Variants in UNC13B observed in about 807,000 individuals in gnomAD.
UNC13B encodes the protein protein unc-13 homolog B.
In UNC13B, 144 loss-of-function variants were observed where a neutral mutation model predicts 211.0. That is an observed-to-expected ratio of 0.68 (90% CI 0.60 to 0.78). UNC13B has a LOEUF of 0.78. UNC13B is among the 30% of genes least tolerant of loss of function. The pLI is 0.00. For missense variants in UNC13B, 1,777 were observed against 2,002.0 expected, an observed-to-expected ratio of 0.89 and a Z score of 2.14; for synonymous variants, 709 against 725.8, an observed-to-expected ratio of 0.98 and a Z score of 0.37.
intron 16 of UNC13B, among the ~76,000 whole-genome samples, chr9:35,377,899 G>A (rs1372259141): frequency 6.6e-6 from 1 of 150,942 alleles, no homozygotes; most frequent in Non-Finnish European, 1.5e-5. Context: ...CAAACAACAT[G>A]AACCATAATA....
In UNC13B at chr9:35,375,065, C is replaced by G. The variant is rs377493915; in HGVS notation, c.9541-62C>G. 121 of 1,581,976 alleles carry G rather than the reference C, an allele frequency of 7.6e-5. 1 individual carries two copies. The African/African-American group carries it at 1.5e-3, about 20-fold the overall frequency. On this transcript the variant is annotated intron_variant, in intron 13 of 39. Coordinates refer to ENST00000635942, the MANE Select transcript of UNC13B (RefSeq NM_001371189.2). ...AAGTGGCTTTGGTCACTGAAGCTCC[C>G]TCCCCCAGACTTTGCCAGCCCTTGG...
At chr9:35,239,318 C>T (rs568258460) in intron 5 of UNC13B, among the ~76,000 whole-genome samples, 79 of 152,036 alleles carry the variant, frequency 5.2e-4, no homozygotes, top group South Asian at 4.2e-4. Flanking sequence ...CCAGGGGAGA[C>T]GTCACATGTC....
intron 26 of UNC13B, 28 bp from the exon 27 acceptor site, chr9:35,396,448 C>G (rs201191916): frequency 3.6e-5 from 58 of 1,613,566 alleles, no homozygotes; most frequent in Non-Finnish European, 4.7e-5. Context: ...CTGCTGGGAC[C>G]TGACCCAACC....
At chr9:35,297,523 G>C (rs1341490168) in intron 8 of UNC13B, among the ~76,000 whole-genome samples, 5 of 145,276 alleles carry the variant, frequency 3.4e-5, no homozygotes, top group African/African-American at 1.3e-4. Flanking sequence ...TCCTTCACAT[G>C]CATTCAGGAA....
chr9:35,367,512 C>T (rs1199603606), intron 12 of UNC13B, among the ~76,000 whole-genome samples: 1 of 152,142 alleles, frequency 6.6e-6, no homozygotes, highest in Non-Finnish European at 1.5e-5. Flanking sequence ...TTACAATCCA[C>T]TTACACTCTT....
At chr9:35,206,592 CGGG>C (rs1823659984) in intron 1 of UNC13B, among the ~76,000 whole-genome samples, 1 of 151,838 alleles carries the variant, frequency 6.6e-6, no homozygotes, top group Non-Finnish European at 1.5e-5. Context: ...TAGTGTAGGC[CGGG>C]TGTGGCACAG....
Position 35,302,941 on chromosome 9 carries a change from C to T in UNC13B, c.3537C>T (p.Thr1179=). ...ATGACTCCCATCACAAGAATAATAC[C>T]CCAGGTTTAATCTCTGGAATATTTA... ...KNDDSHHKNN[T]PGLISGIFNL... Residue 1179 remains threonine (T), a synonymous_variant, in exon 9 of 40, where the codon ACC becomes ACT. Transcript: ENST00000635942. 2.5e-6 allele frequency: 1 copy of T among 398,506 alleles called. No homozygotes were observed. Among genetic ancestry groups the T allele is most frequent in the South Asian group, 1.3e-4 (1 of 7,828 alleles). The allele number at this position is 398,506 out of a possible 1,614,324, so 24.7% of individuals were successfully genotyped here.
chr9:35,390,305 A>G (rs955273462), intron 25 of UNC13B, among the ~76,000 whole-genome samples: 5 of 152,026 alleles, frequency 3.3e-5, no homozygotes. Context: ...GCCCACCCCC[A>G]CTTGCCCTTT....
chr9:35,162,215 C>T lies in UNC13B; in HGVS notation c.-69C>T, dbSNP rs1235311939. The T allele has an allele frequency of 3.2e-6, 5 of 1,541,096 alleles. No homozygotes were observed. The highest frequency in any genetic ancestry group is 1.2e-5 in the South Asian group (1 of 84,014). On this transcript the variant is annotated 5_prime_UTR_variant, in exon 1 of 40. Coordinates refer to ENST00000635942, the MANE Select transcript of UNC13B (RefSeq NM_001371189.2). ...CCGGTAACGAGAGCAGTCGCGGCACCTGCTGAGAGGAAAGAGGGAGCGGTC... is the reference window on the plus strand; with the variant it reads ...CCGGTAACGAGAGCAGTCGCGGCACTTGCTGAGAGGAAAGAGGGAGCGGTC...
At chr9:35,324,961 A>G (rs558201536) in intron 11 of UNC13B, among the ~76,000 whole-genome samples, 24 of 152,324 alleles carry the variant, frequency 1.6e-4, no homozygotes, top group Middle Eastern at 3.4e-3. Flanking sequence ...ATCAAAAGAC[A>G]TCACCTCTCT....
chr9:35,293,543 A>G (rs1829197393), intron 7 of UNC13B, among the ~76,000 whole-genome samples: 1 of 152,090 alleles, frequency 6.6e-6, no homozygotes. Flanking sequence ...CTTCATCTGT[A>G]TGCATGAATA....
chr9:35,196,555 C>T (rs1403371449), intron 1 of UNC13B, among the ~76,000 whole-genome samples: 1 of 152,190 alleles, frequency 6.6e-6, no homozygotes, highest in Non-Finnish European at 1.5e-5. Flanking sequence ...GGAGGATGCT[C>T]TGCCCAGGCA....
chr9:35,172,922 AGT>A (rs1164447643), intron 1 of UNC13B, among the ~76,000 whole-genome samples: 1 of 152,146 alleles, frequency 6.6e-6, no homozygotes, highest in African/African-American at 2.4e-5. Context: ...CAAAAAGAAG[AGT>A]GTTGTTTTCC....
chr9:35,330,609 G>A (rs1056083160), intron 11 of UNC13B, among the ~76,000 whole-genome samples: 3 of 152,240 alleles, frequency 2.0e-5, no homozygotes, highest in Admixed American at 1.3e-4. Flanking sequence ...CCTGTGCAAT[G>A]TGGGAACATT....
At chr9:35,248,074 C>T (rs1230825521) in intron 6 of UNC13B, among the ~76,000 whole-genome samples, 1 of 152,112 alleles carries the variant, frequency 6.6e-6, no homozygotes, top group Non-Finnish European at 1.5e-5. Context: ...CTTCCTGGTT[C>T]ATTCTTGGAA....
intron 11 of UNC13B, among the ~76,000 whole-genome samples, chr9:35,347,524 T>A (rs1407174275): frequency 2.0e-5 from 3 of 152,180 alleles, no homozygotes; most frequent in African/African-American, 7.2e-5. Flanking sequence ...AGTGACTGGT[T>A]GGTCCTCTGA....
intron 11 of UNC13B, 81 bp from the exon 12 acceptor site, chr9:35,366,866 T>G (rs1564170287): frequency 8.2e-7 from 1 of 1,218,434 alleles, no homozygotes; most frequent in Non-Finnish European, 1.2e-6. Context: ...TCTGGGCTTG[T>G]ACTCTACTGC....
intron 31 of UNC13B, 101 bp downstream of exon 31, chr9:35,398,389 T>C: frequency 6.9e-7 from 1 of 1,442,862 alleles, no homozygotes; most frequent in Non-Finnish European, 9.6e-7. Context: ...GCCAGGAATT[T>C]AGCTTGGGGT....
chr9:35,213,131 A>G (rs1252149305), intron 1 of UNC13B, among the ~76,000 whole-genome samples: 2 of 152,242 alleles, frequency 1.3e-5, no homozygotes, highest in African/African-American at 4.8e-5. Flanking sequence ...ACTTCTCTTC[A>G]TAAGGTGGAC....
Sources: allele counts gnomAD v4.1 joint callset (sites outside exome capture counted in the v4.1 genomes callset), GRCh38; gene constraint gnomAD v4.1.1; transcripts MANE v1.5; gene names NCBI Gene and HGNC (gene_info 2026-07-23, HGNC 2026-07-21).